The following DMD variants were observed in gnomAD, a reference collection of about 807,000 sequenced individuals.
DMD encodes dystrophin, also known as mutant dystrophin.
In DMD, 63 loss-of-function variants were observed where a neutral mutation model predicts 330.1. The ratio of observed to expected loss-of-function variants is 0.19; its 90% CI spans 0.16 to 0.24. DMD has a LOEUF of 0.24. DMD is among the 10% of genes least tolerant of loss of function. The pLI is 1.00. For missense variants in DMD, 3,344 were observed against 2,684.1 expected (o/e 1.25, Z -5.43); for synonymous variants, 1,223 against 959.8 (o/e 1.27, Z -5.07).
intron 55 of DMD, among the ~76,000 whole-genome samples, chrX:31,586,340 CAT>C (rs1165661154): frequency 8.9e-6 from 1 of 112,441 alleles, no homozygotes; most frequent in East Asian, 2.8e-4. Flanking sequence ...TGGACTAACA[CAT>C]AATGTTTGAA....
At chrX:31,897,904 C>T (rs2094366473) in intron 47 of DMD, among the ~76,000 whole-genome samples, 2 of 110,654 alleles carry the variant, frequency 1.8e-5, no homozygotes, top group African/African-American at 6.6e-5. Flanking sequence ...GTTTCTTTTG[C>T]TGTGCAGAAG....
intron 52 of DMD, among the ~76,000 whole-genome samples, chrX:31,682,168 C>A (rs2082417465): frequency 8.9e-6 from 1 of 112,176 alleles, no homozygotes; most frequent in South Asian, 3.7e-4. Flanking sequence ...GTGATTGTAA[C>A]ATGAAATCAA....
At chrX:32,515,426 C>A (rs905610361) in intron 18 of DMD, among the ~76,000 whole-genome samples, 19 of 110,848 alleles carry the variant, frequency 1.7e-4, no homozygotes, top group Non-Finnish European at 1.5e-4. Context: ...AGTGCAGATC[C>A]GAGGAAGAGC....
intron 50 of DMD, among the ~76,000 whole-genome samples, chrX:31,781,885 T>A (rs953487004): frequency 9.0e-6 from 1 of 111,705 alleles, no homozygotes; most frequent in East Asian, 2.8e-4. Context: ...TGGTTGAGCA[T>A]GTCTCAATTA....
At chrX:31,342,789 T>A (rs1220957649) in intron 61 of DMD, among the ~76,000 whole-genome samples, 1 of 111,881 alleles carries the variant, frequency 8.9e-6, no homozygotes, top group Non-Finnish European at 1.9e-5. Context: ...TTTAAATTCT[T>A]TTTTTGAGAC....
At chrX:32,914,940 C>G (rs55696451) in intron 2 of DMD, among the ~76,000 whole-genome samples, 1 of 111,025 alleles carries the variant, frequency 9.0e-6, no homozygotes, top group East Asian at 2.8e-4. Context: ...AAAACTGAGG[C>G]TCAGAGAACT....
intron 47 of DMD, among the ~76,000 whole-genome samples, chrX:31,926,365 C>A (rs1192019111): frequency 1.8e-5 from 2 of 111,620 alleles, no homozygotes; most frequent in African/African-American, 3.3e-5. Flanking sequence ...CTGCTGTTTT[C>A]TCTCTTCAGT....
At chrX:31,199,225 T>C (rs1035545926) in intron 67 of DMD, among the ~76,000 whole-genome samples, 2 of 106,042 alleles carry the variant, frequency 1.9e-5, no homozygotes, top group Admixed American at 1.0e-4. Context: ...CCATGGAATA[T>C]GAGAAAGGAA....
At chrX:31,234,282 T>C (rs2047504850) in intron 63 of DMD, among the ~76,000 whole-genome samples, 1 of 112,689 alleles carries the variant, frequency 8.9e-6, no homozygotes, top group Non-Finnish European at 1.9e-5. Flanking sequence ...GTGGAGTCCC[T>C]CCAATAAGTA....
intron 2 of DMD, among the ~76,000 whole-genome samples, chrX:32,993,331 C>T (rs922905150): frequency 8.1e-5 from 9 of 111,624 alleles, no homozygotes; most frequent in African/African-American, 2.3e-4. Context: ...AAGGCTGGTG[C>T]GGTCGCTCAT....
chrX:32,685,959 CA>C (rs2062828435), intron 9 of DMD, among the ~76,000 whole-genome samples: 1 of 111,628 alleles, frequency 9.0e-6, no homozygotes, highest in Non-Finnish European at 1.9e-5. Flanking sequence ...GGTATCTCTT[CA>C]AAAGAATTAA....
At chrX:31,753,604 A>G in intron 51 of DMD, among the ~76,000 whole-genome samples, 1 of 112,200 alleles carries the variant, frequency 8.9e-6, no homozygotes. Flanking sequence ...GATCAGAGAT[A>G]TATTAATTCT....
In DMD at chrX:31,967,409, T is replaced by C. The variant is rs765750688; in HGVS notation, c.6614+930A>G. Among the ~76,000 whole-genome samples, 3 of 107,972 alleles carry C rather than the reference T, an allele frequency of 2.8e-5. No homozygotes were observed. In the Admixed American group the frequency reaches 3.0e-4, roughly 11 times the overall value. 93.8% of individuals were successfully genotyped at this position (107,972 alleles called of 115,157 possible). A position where few individuals can be genotyped will look rare whatever the true frequency, so the allele number is the denominator to read the frequency against. On this transcript the variant is annotated intron_variant, in intron 45 of 78. Coordinates refer to ENST00000357033, the MANE Select transcript of DMD (RefSeq NM_004006.3). The stretch of plus-strand genomic sequence containing the variant: ...CAAAATATGAATTGTATCTACTTTC[T>C]GAATAATGTAACATGAATAAAGAGG...
At chrX:32,440,229 C>T (rs2098276615) in intron 28 of DMD, among the ~76,000 whole-genome samples, 1 of 111,889 alleles carries the variant, frequency 8.9e-6, no homozygotes, top group Non-Finnish European at 1.9e-5. Context: ...GGTCAATTAA[C>T]TTCTCTGAAT....
intron 2 of DMD, among the ~76,000 whole-genome samples, chrX:32,994,808 C>A (rs1399015243): frequency 1.8e-5 from 2 of 112,171 alleles, no homozygotes; most frequent in Non-Finnish European, 3.8e-5. Flanking sequence ...AATTACTCAA[C>A]TGTTACTTGT....
At chrX:31,546,544 C>T (rs1024711870) in intron 55 of DMD, among the ~76,000 whole-genome samples, 3 of 112,635 alleles carry the variant, frequency 2.7e-5, no homozygotes, top group Admixed American at 9.4e-5. Flanking sequence ...ATGCTCTCCT[C>T]TCCTTCTACC....
At chrX:33,070,760 G>T (rs1308401157) in intron 1 of DMD, among the ~76,000 whole-genome samples, 2 of 95,260 alleles carry the variant, frequency 2.1e-5, no homozygotes, top group African/African-American at 3.9e-5. Flanking sequence ...CTTAAATAAA[G>T]AATTACCTAA....
At chrX:31,501,483 C>T (rs991219350) in intron 56 of DMD, among the ~76,000 whole-genome samples, 1 of 112,090 alleles carries the variant, frequency 8.9e-6, no homozygotes, top group Non-Finnish European at 1.9e-5. Flanking sequence ...TTAGGGGTTA[C>T]TACCGTTTAA....
At chrX:31,152,479 T>G (rs1176471428) in intron 74 of DMD, among the ~76,000 whole-genome samples, 1 of 111,696 alleles carries the variant, frequency 9.0e-6, no homozygotes, top group Non-Finnish European at 1.9e-5. Context: ...ATCTTAAATG[T>G]AAGTAAAAAT....
Sources: gnomAD v4.1 joint callset for allele counts (sites outside exome capture counted in the v4.1 genomes callset) on GRCh38, gnomAD v4.1.1 for gene constraint, MANE v1.5 for transcripts, NCBI Gene and HGNC (gene_info 2026-07-23, HGNC 2026-07-21) for gene names.